BBS2: variants seen among roughly 807,000 people sequenced by gnomAD.
The protein encoded by BBS2 is BBSome complex member BBS2.
BBS2 carries 62 observed loss-of-function variants against 83.0 expected under a neutral mutation model. The observed-to-expected ratio is 0.75, with a 90% CI of 0.61 to 0.92. The LOEUF (loss-of-function observed/expected upper bound fraction) is 0.92, where lower values mean the gene tolerates loss of function less well. Among genes scored for constraint, BBS2 ranks in the 40% least tolerant of loss-of-function variants. The pLI is 0.00. For missense variants in BBS2, 784 were observed against 901.0 expected, an observed-to-expected ratio of 0.87 and a Z score of 1.66; for synonymous variants, 303 against 326.1, an observed-to-expected ratio of 0.93 and a Z score of 0.76.
chr16:56,517,312 G>T (rs1396601198), intron 1 of BBS2, among the ~76,000 whole-genome samples: 3 of 152,182 alleles, frequency 2.0e-5, no homozygotes, highest in African/African-American at 7.2e-5. Flanking sequence ...TATATGATCT[G>T]GCTTGTGTCT....
Position 56,506,124 on chromosome 16 carries a change from A to T in BBS2, c.713T>A (p.Ile238Asn). ...CAAAGGCTAAATTATACTAACTTTA[A>T]TTCTCCAGTATCGGGATGTTTTGTC... ...VYDKTSRYWR[I>N]KSKNHAMSIH... Residue 238 changes from isoleucine to asparagine, a missense_variant, in exon 6 of 17, where the codon ATT becomes AAT. Ile to Asn is a moderately radical substitution (Grantham distance 149). Coordinates refer to ENST00000245157, the MANE Select transcript of BBS2 (RefSeq NM_031885.5). The T allele has an allele frequency of 6.2e-7, 1 of 1,613,522 alleles. No individual in the cohort carries two copies.
Position 56,502,356 on chromosome 16 carries a change from A to T in BBS2, c.1041T>A (p.Asn347Lys). 6.2e-7 allele frequency: 1 copy of T among 1,614,142 alleles called. No homozygotes were observed. The highest frequency in any genetic ancestry group is 8.5e-7 in the Non-Finnish European group (1 of 1,180,038). Reference protein sequence around the residue: ...LIRELSQKKQNLLLELRNYEE... With the variant: ...LIRELSQKKQKLLLELRNYEE... ...CATAGTTACGGAGTTCCAGCAACAG[A>T]TTCTGCTTCTTCTGACTCAGCTCTC... Residue 347 changes from asparagine (N) to lysine (K), a missense_variant, in exon 9 of 17, where the codon AAT (asparagine) becomes AAA (lysine). Physicochemically the swap from Asn to Lys is moderately conservative, Grantham distance 94. Transcript: ENST00000245157.
intron 15 of BBS2, among the ~76,000 whole-genome samples, chr16:56,494,016 T>C (rs892892421): frequency 2.0e-5 from 3 of 152,058 alleles, no homozygotes; most frequent in African/African-American, 7.2e-5. Context: ...TGGATTGCAG[T>C]GTCATGATCA....
rs769739310 is a variant in BBS2, at chr16:56,497,730, C to T, written c.1797+13G>A. 14 of 1,612,866 alleles carry T rather than the reference C, an allele frequency of 8.7e-6. No homozygotes were observed. The African/African-American group carries it at 1.3e-4, about 15-fold the overall frequency. On this transcript the variant is annotated intron_variant, in intron 14 of 16. Coordinates refer to ENST00000245157, the MANE Select transcript of BBS2 (RefSeq NM_031885.5). ...ACCACATTCTCACAAATGCATCTAC[C>T]GCATTCCCTCACCTTAACTAGCACC...
In BBS2 at chr16:56,484,729, G is replaced by T; in HGVS notation, c.*32C>A. ...CATAGGTTTTTAACAGAAAATCTTT[G>T]CCAGGAACTTCATGACCTGTATTTT... On this transcript the variant is annotated 3_prime_UTR_variant, in exon 17 of 17. Coordinates refer to ENST00000245157, the MANE Select transcript of BBS2 (RefSeq NM_031885.5). 6.3e-7 allele frequency: 1 copy of T among 1,584,656 alleles called. No homozygotes were observed. The highest frequency in any genetic ancestry group is 8.7e-7 in the Non-Finnish European group (1 of 1,153,864).
intron 17 of BBS2, chr16:56,477,644 C>T (rs1963540728): frequency 6.6e-6 from 1 of 152,176 alleles, no homozygotes; most frequent in Admixed American, 6.5e-5. Flanking sequence ...CAGGGAGTTA[C>T]ATCATAATTA....
intron 17 of BBS2, among the ~76,000 whole-genome samples, chr16:56,472,446 CTGTT>C (rs1436446037): frequency 3.9e-5 from 6 of 152,314 alleles, no homozygotes; most frequent in Middle Eastern, 3.4e-3. Context: ...AGAAAAGTCA[CTGTT>C]TACGAAGTTT....
At chr16:56,515,433 C>G (rs571513995) in intron 1 of BBS2, among the ~76,000 whole-genome samples, 1 of 151,950 alleles carries the variant, frequency 6.6e-6, no homozygotes, top group Non-Finnish European at 1.5e-5. Flanking sequence ...CTTCGCAGGA[C>G]CACAGTACAA....
intron 15 of BBS2, among the ~76,000 whole-genome samples, chr16:56,493,362 G>C (rs1023971320): frequency 3.9e-4 from 57 of 145,486 alleles, no homozygotes; most frequent in African/African-American, 1.2e-3. Context: ...TTCCAGCCTG[G>C]GTGACAGCAA....
Position 56,509,945 on chromosome 16 carries a change from G to T in BBS2, c.612+12C>A, listed in dbSNP as rs77019529. 3.0e-3 allele frequency: 4,774 copies of T among 1,613,386 alleles called. 121 individuals carry two copies. The African/African-American group carries it at 0.055, about 19-fold the overall frequency. ...GCTCAAGGTTACCATAGTTCGAGGT[G>T]GAGCTTCTTACCTCTGTTTCTGTCA... On this transcript the variant is annotated intron_variant, in intron 5 of 16. Transcript: ENST00000245157.
intron 7 of BBS2, 46 bp downstream of exon 7, chr16:56,505,904 C>A (rs371903774): frequency 2.6e-5 from 37 of 1,444,080 alleles, no homozygotes; most frequent in Non-Finnish European, 3.4e-5. Context: ...ACACCTTGGA[C>A]AATTACTACT....
chr16:56,499,164 G>A (rs965147016), intron 12 of BBS2: 1 of 177,596 alleles, frequency 5.6e-6, no homozygotes, highest in Admixed American at 5.5e-5. Context: ...TGGTTCCACA[G>A]GCCAGGCAGG....
chr16:56,483,661 A>G (rs191347612), downstream of BBS2, among the ~76,000 whole-genome samples: 19 of 152,046 alleles, frequency 1.2e-4, no homozygotes, highest in African/African-American at 3.4e-4. Flanking sequence ...GTTTGCACCC[A>G]TCTTTCAGTG....
chr16:56,494,603 G>A (rs1964059831), intron 15 of BBS2, among the ~76,000 whole-genome samples: 2 of 152,016 alleles, frequency 1.3e-5, no homozygotes, highest in Admixed American at 1.3e-4. Flanking sequence ...CCAAATTAAT[G>A]GGACCATGTC....
rs58704749 is a variant in BBS2, at chr16:56,494,957, G to A, written c.1910+2010C>T. Among the ~76,000 whole-genome samples the A allele has an allele frequency of 0.013, 1,813 of 141,836 alleles. 54 individuals carry two copies. In the East Asian group the frequency reaches 0.13, roughly 10 times the overall value. The allele number at this position is 141,836 out of a possible 152,430, so 93.0% of individuals were successfully genotyped here. On this transcript the variant is annotated intron_variant, in intron 15 of 16. Transcript: ENST00000245157. ...AGCCTGGGCGACAGAGCGAGACTCC[G>A]TCTCGAAAAAAAAAAAAAAAACTAG...
At chr16:56,509,030 T>C (rs577320644) in intron 5 of BBS2, among the ~76,000 whole-genome samples, 2 of 152,280 alleles carry the variant, frequency 1.3e-5, no homozygotes, top group South Asian at 2.1e-4. Flanking sequence ...ACAAGTTCTA[T>C]AATTTTTAAG....
intron 17 of BBS2, among the ~76,000 whole-genome samples, chr16:56,472,033 CT>C (rs1249788096): frequency 6.6e-6 from 1 of 152,168 alleles, no homozygotes; most frequent in Non-Finnish European, 1.5e-5. Flanking sequence ...GCAATCACAG[CT>C]CACTGCAGCC....
At chr16:56,495,284 A>C (rs1964085946) in intron 15 of BBS2, among the ~76,000 whole-genome samples, 1 of 152,232 alleles carries the variant, frequency 6.6e-6, no homozygotes, top group Non-Finnish European at 1.5e-5. Context: ...TAATGAATCT[A>C]GGCAATGATC....
chr16:56,519,494 C>G, intron 1 of BBS2: 2 of 522,476 alleles, frequency 3.8e-6, no homozygotes, highest in South Asian at 4.5e-5. Flanking sequence ...TCTAAGCTCC[C>G]TATGTCCAGG....
Sources: allele counts gnomAD v4.1 joint callset (sites outside exome capture counted in the v4.1 genomes callset), GRCh38; gene constraint gnomAD v4.1.1; transcripts MANE v1.5; gene names NCBI Gene and HGNC (gene_info 2026-07-23, HGNC 2026-07-21).